Variants in RAMP1 observed in about 807,000 individuals in gnomAD.
The protein encoded by RAMP1 is receptor activity modifying protein 1.
A neutral mutation model predicts 8.2 loss-of-function variants in RAMP1; 7 were observed. That is an observed-to-expected ratio of 0.85 (90% confidence interval 0.49 to 1.60). RAMP1 has a LOEUF of 1.60. RAMP1 is among the 40% of genes most tolerant of loss of function. The pLI is 0.00. For missense variants in RAMP1, 192 were observed against 202.4 expected, an observed-to-expected ratio of 0.95 and a Z score of 0.31; for synonymous variants, 92 against 84.7, an observed-to-expected ratio of 1.09 and a Z score of -0.47.
intron 1 of RAMP1, among the ~76,000 whole-genome samples, chr2:237,864,120 C>T (rs2062159664): frequency 6.6e-6 from 1 of 152,108 alleles, no homozygotes; most frequent in South Asian, 2.1e-4. Context: ...TGGGAAACCA[C>T]GGGGGCAGGA....
intron 1 of RAMP1, among the ~76,000 whole-genome samples, chr2:237,864,040 CCA>C (rs1244853224): frequency 4.0e-4 from 61 of 152,292 alleles, no homozygotes; most frequent in African/African-American, 1.4e-3. Flanking sequence ...AGTGTCACCC[CCA>C]CACATGCCAT....
chr2:237,874,577 G>A (rs1005638286), intron 1 of RAMP1: 16 of 769,006 alleles, frequency 2.1e-5, no homozygotes, highest in Middle Eastern at 6.6e-4. Context: ...TCCTAGAAGC[G>A]GCTCTTCCAA....
intron 1 of RAMP1, among the ~76,000 whole-genome samples, chr2:237,868,586 A>C (rs1186378319): frequency 0.014 from 1,646 of 118,370 alleles, 34 homozygotes; most frequent in African/African-American, 0.073. Flanking sequence ...CCAAAAAAAA[A>C]AAACAAAAAA....
intron 2 of RAMP1, among the ~76,000 whole-genome samples, chr2:237,904,626 A>T (rs565813752): frequency 8.5e-5 from 13 of 152,342 alleles, no homozygotes; most frequent in African/African-American, 2.9e-4. Flanking sequence ...AATAAATTTT[A>T]AAAAGCGAAT....
chr2:237,911,974 G>A lies in RAMP1; in HGVS notation c.*191G>A. ...TAACCTGGAAGCCCCCCTGGCTGGA[G>A]GCCACCGCCACCCTAGGAAGGGGGC... is the stretch of plus-strand genomic sequence containing the variant. On this transcript the variant is annotated 3_prime_UTR_variant, in exon 3 of 3. Transcript: ENST00000254661. 1 of 951,334 alleles carries A rather than the reference G, an allele frequency of 1.1e-6. No individual in the cohort carries two copies. The highest frequency in any genetic ancestry group is 1.5e-6 in the Non-Finnish European group (1 of 659,900). The allele number at this position is 951,334 out of a possible 1,614,324, so 58.9% of individuals were successfully genotyped here. A position where few individuals can be genotyped will look rare whatever the true frequency, so the allele number is the denominator to read the frequency against.
intron 2 of RAMP1, among the ~76,000 whole-genome samples, chr2:237,887,991 T>C (rs569889877): frequency 2.7e-5 from 4 of 150,880 alleles, no homozygotes; most frequent in African/African-American, 1.0e-4. Flanking sequence ...TGTTAGACAT[T>C]CCTGGGAGAA....
chr2:237,894,613 C>T (rs1300912162), intron 2 of RAMP1, among the ~76,000 whole-genome samples: 2 of 152,210 alleles, frequency 1.3e-5, no homozygotes, highest in Non-Finnish European at 2.9e-5. Flanking sequence ...ACCCCCCTGC[C>T]ACCCCTCCAT....
chr2:237,859,658 T>C lies in RAMP1; in HGVS notation c.-18T>C. 1 of 1,462,820 alleles carries C rather than the reference T, an allele frequency of 6.8e-7. No homozygotes were observed. The highest frequency in any genetic ancestry group is 9.0e-7 in the Non-Finnish European group (1 of 1,106,214). 90.6% of individuals were successfully genotyped at this position (1,462,820 alleles called of 1,614,324 possible). A position where few individuals can be genotyped will look rare whatever the true frequency, so the allele number is the denominator to read the frequency against. On this transcript the variant is annotated 5_prime_UTR_variant, in exon 1 of 3. Transcript: ENST00000254661. ...GGGGCGCGTGGCGAGCGGACTCGACTCGGCACCGCTGTGCACCATGGCCCG... is the reference window on the plus strand; with the variant it reads ...GGGGCGCGTGGCGAGCGGACTCGACCCGGCACCGCTGTGCACCATGGCCCG...
intron 2 of RAMP1, among the ~76,000 whole-genome samples, chr2:237,884,949 T>C (rs1345376921): frequency 1.3e-5 from 2 of 152,128 alleles, no homozygotes; most frequent in Non-Finnish European, 2.9e-5. Context: ...AGCGTGGTAG[T>C]TGGGGGACGC....
chr2:237,900,406 C>T (rs927733694), intron 2 of RAMP1, among the ~76,000 whole-genome samples: 6 of 152,148 alleles, frequency 3.9e-5, no homozygotes, highest in African/African-American at 1.4e-4. Context: ...AGTGATCTGC[C>T]CACCTCGGCC....
chr2:237,869,030 C>G (rs1287305911), intron 1 of RAMP1, among the ~76,000 whole-genome samples: 1 of 152,134 alleles, frequency 6.6e-6, no homozygotes. Context: ...ATGTATCCAT[C>G]CCGGTCATCA....
At chr2:237,872,205 G>A (rs967169568) in intron 1 of RAMP1, among the ~76,000 whole-genome samples, 3 of 152,212 alleles carry the variant, frequency 2.0e-5, no homozygotes, top group Non-Finnish European at 4.4e-5. Context: ...GGCCTGGCAC[G>A]GGGAGGAGAG....
At chr2:237,900,667 CT>C (rs2062588129) in intron 2 of RAMP1, among the ~76,000 whole-genome samples, 1 of 152,078 alleles carries the variant, frequency 6.6e-6, no homozygotes, top group African/African-American at 2.4e-5. Context: ...TATTGCCGAT[CT>C]TGTTCTCTTA....
intron 2 of RAMP1, among the ~76,000 whole-genome samples, chr2:237,901,029 G>A (rs772787313): frequency 7.2e-5 from 11 of 152,222 alleles, no homozygotes; most frequent in African/African-American, 2.4e-4. Context: ...AGTCTCCCAC[G>A]TGTCTTGCGT....
At chr2:237,900,718 G>A (rs1312981846) in intron 2 of RAMP1, among the ~76,000 whole-genome samples, 9 of 151,754 alleles carry the variant, frequency 5.9e-5, no homozygotes, top group Non-Finnish European at 1.0e-4. Context: ...CTGTGACTTC[G>A]AAATTATATA....
At chr2:237,887,706 A>C (rs2062447789) in intron 2 of RAMP1, among the ~76,000 whole-genome samples, 1 of 152,224 alleles carries the variant, frequency 6.6e-6, no homozygotes, top group Non-Finnish European at 1.5e-5. Context: ...TGGGAGACCA[A>C]GGCATGTGGA....
chr2:237,891,166 T>C (rs2062483895), intron 2 of RAMP1, among the ~76,000 whole-genome samples: 5 of 138,760 alleles, frequency 3.6e-5, no homozygotes. Flanking sequence ...TTTTTTTTTT[T>C]TGAGACGGAG....
chr2:237,895,003 G>C (rs981944324), intron 2 of RAMP1, among the ~76,000 whole-genome samples: 3 of 152,110 alleles, frequency 2.0e-5, no homozygotes, highest in Non-Finnish European at 2.9e-5. Context: ...CAGCTCAGCA[G>C]CCATTTGCTG....
intron 2 of RAMP1, among the ~76,000 whole-genome samples, chr2:237,908,296 A>G (rs1328931687): frequency 6.6e-6 from 1 of 152,066 alleles, no homozygotes; most frequent in East Asian, 1.9e-4. Context: ...CTCAGTTTAG[A>G]CAGGCCCTTC....
Sources: allele counts gnomAD v4.1 joint callset (sites outside exome capture counted in the v4.1 genomes callset), GRCh38; gene constraint gnomAD v4.1.1; transcripts MANE v1.5; gene names NCBI Gene and HGNC (gene_info 2026-07-23, HGNC 2026-07-21).